Variants in ZDHHC4 observed in about 807,000 individuals in gnomAD.
ZDHHC4 encodes the protein palmitoyltransferase ZDHHC4.
ZDHHC4 carries 42 observed loss-of-function variants against 36.7 expected under a neutral mutation model. The ratio of observed to expected loss-of-function variants is 1.14; its 90% CI spans 0.89 to 1.48. The LOEUF (loss-of-function observed/expected upper bound fraction) is 1.48, where lower values mean the gene tolerates loss of function less well. ZDHHC4 is among the 40% of genes most tolerant of loss of function. The pLI, the probability that ZDHHC4 is intolerant of heterozygous loss-of-function variation, is 0.00. For synonymous variants in ZDHHC4, 189 were observed against 166.6 expected (o/e 1.13, Z -1.03); for missense variants, 457 against 421.5 (o/e 1.08, Z -0.74).
chr7:6,582,345 T>A, intron 5 of ZDHHC4, 94 bp downstream of exon 5: 1 of 1,184,772 alleles, frequency 8.4e-7, no homozygotes, highest in Non-Finnish European at 1.2e-6. Context: ...GAGGACTTTG[T>A]AAAAGATTTG....
chr7:6,580,438 A>T, intron 2 of ZDHHC4, 117 bp from the exon 3 acceptor site: 2 of 840,798 alleles, frequency 2.4e-6, no homozygotes. Flanking sequence ...TTGAGATGTC[A>T]TTAAAGTCTA....
At chr7:6,583,191 G>A (rs1272410417) in intron 5 of ZDHHC4, 115 bp from the exon 6 acceptor site, 24 of 1,091,406 alleles carry the variant, frequency 2.2e-5, no homozygotes, top group South Asian at 8.6e-5. Flanking sequence ...AAAAAAAAAA[G>A]AATTACTTAC....
chr7:6,582,142 A>G lies in ZDHHC4; in HGVS notation c.261A>G (p.Val87=), dbSNP rs1583382708. 1 of 1,614,186 alleles carries G rather than the reference A, an allele frequency of 6.2e-7. No homozygotes were observed. Among genetic ancestry groups the G allele is most frequent in the East Asian group, 2.2e-5 (1 of 44,878 alleles). ...TTTATACTGAGTACACCTGGGAAGT[A>G]TTTGGCTACTGTCAGGAGCTGGAGT... ...GMVYTEYTWE[V]FGYCQELELS... is the part of the protein sequence containing the mutation. The change falls in exon 5 of 8, where the codon GTA becomes GTG. Residue 87 remains valine (V), a synonymous_variant. Coordinates refer to ENST00000335965, the MANE Select transcript of ZDHHC4 (RefSeq NM_001134389.2).
At position 6,589,006 on chromosome 7, in the gene ZDHHC4, T is replaced by A; in HGVS notation, c.*96T>A. ...GGCTTGTTTGTTTTGATTTCTGCTG[T>A]GCTTATAAATCACTTTCGGTGGGCA... On this transcript the variant is annotated 3_prime_UTR_variant, in exon 8 of 8. Coordinates refer to ENST00000335965, the MANE Select transcript of ZDHHC4 (RefSeq NM_001134389.2). The A allele has an allele frequency of 1.4e-6, 2 of 1,465,052 alleles. No homozygotes were observed. The highest frequency in any genetic ancestry group is 2.3e-5 in the East Asian group (1 of 43,642). The allele number at this position is 1,465,052 out of a possible 1,614,324, so 90.8% of individuals were successfully genotyped here. A position where few individuals can be genotyped will look rare whatever the true frequency, so the allele number is the denominator to read the frequency against.
intron 7 of ZDHHC4, among the ~76,000 whole-genome samples, chr7:6,588,239 C>T (rs972962546): frequency 6.6e-6 from 1 of 152,190 alleles, no homozygotes; most frequent in African/African-American, 2.4e-5. Flanking sequence ...CAACGAATAT[C>T]CTTGTACATC....
chr7:6,585,980 G>A (rs953670294), intron 7 of ZDHHC4, among the ~76,000 whole-genome samples: 3 of 151,644 alleles, frequency 2.0e-5, no homozygotes, highest in Admixed American at 2.0e-4. Flanking sequence ...GTAAAACCTC[G>A]TCTCTACTAA....
chr7:6,584,460 C>T (rs1255694984), intron 6 of ZDHHC4: 6 of 152,868 alleles, frequency 3.9e-5, no homozygotes, highest in African/African-American at 1.4e-4. Flanking sequence ...AATGATTCAT[C>T]TTAATCAGAA....
chr7:6,585,234 G>C lies in ZDHHC4; in HGVS notation c.715G>C (p.Val239Leu), dbSNP rs749887090. The C allele has an allele frequency of 4.3e-5, 69 of 1,614,068 alleles. No homozygotes were observed. Among genetic ancestry groups the C allele is most frequent in the Non-Finnish European group, 5.6e-5 (66 of 1,180,028 alleles). The change falls in exon 7 of 8, where the codon GTT (valine) becomes CTT (leucine). Residue 239 changes from valine to leucine, a missense_variant. Transcript: ENST00000335965. Reference sequence around the variant, plus strand: ...CATCGATGACCTTGGACACCTCCATGTTATGGACACGGTCTTTCTTATTCA... The same window carrying C: ...CATCGATGACCTTGGACACCTCCATCTTATGGACACGGTCTTTCTTATTCA... The part of the protein sequence containing the change: ...TYIDDLGHLH[V>L]MDTVFLIQYL...
intron 5 of ZDHHC4, 30 bp downstream of exon 5, chr7:6,582,281 G>A (rs1780908614): frequency 6.2e-7 from 1 of 1,602,888 alleles, no homozygotes; most frequent in Non-Finnish European, 8.5e-7. Context: ...ATACAGCATG[G>A]TGACAGCTCC....
Position 6,582,115 on chromosome 7 carries a change from G to A in ZDHHC4, c.234G>A (p.Met78Ile). The A allele has an allele frequency of 2.5e-6, 4 of 1,614,152 alleles. No individual in the cohort carries two copies. Among genetic ancestry groups the A allele is most frequent in the Non-Finnish European group, 3.4e-6 (4 of 1,180,024 alleles). Residue 78 changes from methionine to isoleucine, a missense_variant, in exon 5 of 8, where the codon ATG (methionine) becomes ATA (isoleucine). Met to Ile is a conservative substitution (Grantham distance 10). Transcript: ENST00000335965. ...TCCTGCACCTGGTCTTGCAAGGGATGGTTTATACTGAGTACACCTGGGAAG... is the reference window on the plus strand; with the variant it reads ...TCCTGCACCTGGTCTTGCAAGGGATAGTTTATACTGAGTACACCTGGGAAG... ...FIVLHLVLQG[M>I]VYTEYTWEVF... is the part of the protein sequence containing the mutation.
In ZDHHC4 at chr7:6,582,215, C is replaced by G. The variant is rs759167348; in HGVS notation, c.334C>G (p.Leu112Val). 4 of 1,614,054 alleles carry G rather than the reference C, an allele frequency of 2.5e-6. No individual in the cohort carries two copies. In the East Asian group the frequency reaches 8.9e-5, roughly 36 times the overall value. ...LLPYLLLGVNLFFFTLTCGTN... is the reference protein window; with the variant it reads ...LLPYLLLGVNVFFFTLTCGTN... ...GCCCTATCTGCTGCTAGGTGTAAAC[C>G]TGTTTTTTTTCACCCTGACTTGTGG... Residue 112 changes from leucine (L) to valine (V), a missense_variant, in exon 5 of 8, where the codon CTG becomes GTG. Physicochemically the swap from Leu to Val is conservative, Grantham distance 32. Transcript: ENST00000335965.
intron 5 of ZDHHC4, among the ~76,000 whole-genome samples, chr7:6,582,692 AT>A (rs1432448808): frequency 2.6e-5 from 4 of 151,648 alleles, no homozygotes; most frequent in Non-Finnish European, 5.9e-5. Flanking sequence ...TGATTTTTGT[AT>A]TTTTAGTAGA....
intron 2 of ZDHHC4, among the ~76,000 whole-genome samples, 151 bp from the exon 3 acceptor site, chr7:6,580,404 C>G (rs192501675): frequency 6.6e-6 from 1 of 152,230 alleles, no homozygotes; most frequent in East Asian, 1.9e-4. Context: ...GAATTCTGTT[C>G]TGTTTGTCTT....
chr7:6,588,949 T>C lies in ZDHHC4; in HGVS notation c.*39T>C, dbSNP rs1781473085. 6.3e-6 allele frequency: 10 copies of C among 1,577,572 alleles called. No homozygotes were observed. Among genetic ancestry groups the C allele is most frequent in the Non-Finnish European group, 8.7e-6 (10 of 1,154,758 alleles). The stretch of plus-strand genomic sequence containing the variant: ...GCCTTTGAGCTGTAGTTCCCGTTTA[T>C]TTACACATGTGGATCCTCGTTTTCC... On this transcript the variant is annotated 3_prime_UTR_variant, in exon 8 of 8. Coordinates refer to ENST00000335965, the MANE Select transcript of ZDHHC4 (RefSeq NM_001134389.2).
At chr7:6,579,728 T>C (rs542593397) in intron 2 of ZDHHC4, among the ~76,000 whole-genome samples, 1 of 152,348 alleles carries the variant, frequency 6.6e-6, no homozygotes, top group Admixed American at 6.5e-5. Flanking sequence ...AGTAAAAGAA[T>C]GATTCATGCC....
At chr7:6,584,849 C>A (rs1305274032) in intron 6 of ZDHHC4, 167 bp from the exon 7 acceptor site, 2 of 968,176 alleles carry the variant, frequency 2.1e-6, no homozygotes, top group Non-Finnish European at 3.0e-6. Flanking sequence ...TGGCTGGTTG[C>A]TCCTGTACTG....
intron 2 of ZDHHC4, among the ~76,000 whole-genome samples, chr7:6,580,250 C>G (rs921650616): frequency 2.0e-5 from 3 of 152,156 alleles, no homozygotes; most frequent in African/African-American, 7.2e-5. Context: ...ATCCACCCAC[C>G]TCTGCTTCCC....
rs1239949694 is a variant in ZDHHC4, at chr7:6,585,298, ATCGC to A, written c.741+39_741+42del. On this transcript the variant is annotated intron_variant, in intron 7 of 7. Transcript: ENST00000335965. ...TAGGTTTCTGACTTCAAGTTTCAGA[ATCGC>A]AAAAAAGACATTTATTTTTCCAGTA... The A allele has an allele frequency of 2.5e-6, 4 of 1,597,366 alleles. No individual in the cohort carries two copies. The Admixed American group carries it at 5.1e-5, about 21-fold the overall frequency.
At chr7:6,586,263 T>C (rs1781238766) in intron 7 of ZDHHC4, among the ~76,000 whole-genome samples, 1 of 152,182 alleles carries the variant, frequency 6.6e-6, no homozygotes, top group Non-Finnish European at 1.5e-5. Flanking sequence ...TACTATCTAA[T>C]TTCAGAACAT....
Sources: gnomAD v4.1 joint callset for allele counts (sites outside exome capture counted in the v4.1 genomes callset) on GRCh38, gnomAD v4.1.1 for gene constraint, MANE v1.5 for transcripts, NCBI Gene and HGNC (gene_info 2026-07-23, HGNC 2026-07-21) for gene names.